Variants in SLC25A51 observed in about 807,000 individuals in gnomAD.
SLC25A51 encodes solute carrier family 25 member 51, also known as mitochondrial nicotinamide adenine dinucleotide transporter SLC25A51.
Under a neutral mutation model 19.1 loss-of-function variants are expected in SLC25A51, and 11 were observed. The observed-to-expected ratio is 0.58, with a 90% CI of 0.36 to 0.96. The LOEUF (loss-of-function observed/expected upper bound fraction) is 0.96, where lower values mean the gene tolerates loss of function less well. Ranked by LOEUF, SLC25A51 falls within the 40% of genes least tolerant of loss-of-function variation. The pLI is 0.01. For missense variants in SLC25A51, 201 were observed against 365.4 expected, an observed-to-expected ratio of 0.55 and a Z score of 3.67; for synonymous variants, 105 against 133.6, an observed-to-expected ratio of 0.79 and a Z score of 1.47.
At chr9:37,890,072 T>G (rs1024894601) in intron 2 of SLC25A51, among the ~76,000 whole-genome samples, 1 of 152,080 alleles carries the variant, frequency 6.6e-6, no homozygotes, top group South Asian at 2.1e-4. Flanking sequence ...TATTTTTTAA[T>G]TGGATTTTAA....
downstream of SLC25A51, chr9:37,885,864 C>T (rs1414152708): frequency 1.9e-6 from 3 of 1,596,736 alleles, no homozygotes; most frequent in East Asian, 6.7e-5. Flanking sequence ...CATAGTGTTC[C>T]TGATGACGTG....
At chr9:37,892,882 A>C (rs1831625748) in intron 2 of SLC25A51, among the ~76,000 whole-genome samples, 1 of 151,856 alleles carries the variant, frequency 6.6e-6, no homozygotes. Flanking sequence ...TGGGATTACA[A>C]GTGCGCACCA....
rs189523245 is a variant in SLC25A51 at position 37,892,798 on chromosome 9, A to G, written c.-42-4206T>C. 3.6e-3 allele frequency among the ~76,000 whole-genome samples: 542 copies of G among 150,410 alleles called. 7 individuals are homozygous for G. Among genetic ancestry groups the G allele is most frequent in the African/African-American group, 0.012 (507 of 40,854 alleles). Reference sequence around the variant, plus strand: ...TCTGTTGCCCAGGCTGCAGTGTAGTAGCACGATCTCAGCTCACTGCAACCT... The same window carrying G: ...TCTGTTGCCCAGGCTGCAGTGTAGTGGCACGATCTCAGCTCACTGCAACCT... On this transcript the variant is annotated intron_variant, in intron 2 of 2. Coordinates refer to ENST00000242275, the MANE Select transcript of SLC25A51 (RefSeq NM_033412.4).
At chr9:37,884,044 A>G (rs1319084984), downstream of SLC25A51, among the ~76,000 whole-genome samples, 2 of 152,190 alleles carry the variant, frequency 1.3e-5, no homozygotes, top group African/African-American at 4.8e-5. Flanking sequence ...TGAGGCCTTT[A>G]TTTTGGTCAG....
intron 2 of SLC25A51, among the ~76,000 whole-genome samples, chr9:37,897,629 GATT>G (rs1587169676): frequency 1.3e-5 from 2 of 150,708 alleles, no homozygotes; most frequent in East Asian, 1.9e-4. Flanking sequence ...TATAATAAAG[GATT>G]ATAATAAATT....
downstream of SLC25A51, among the ~76,000 whole-genome samples, chr9:37,882,841 GC>G (rs1165920148): frequency 6.6e-6 from 1 of 151,998 alleles, no homozygotes; most frequent in Non-Finnish European, 1.5e-5. Context: ...AATCACATTT[GC>G]CTTTTCAATT....
intron 3 of SLC25A51, among the ~76,000 whole-genome samples, chr9:37,881,201 TAA>T (rs11402300): frequency 2.3e-5 from 3 of 128,590 alleles, no homozygotes; most frequent in Admixed American, 7.9e-5. Context: ...AAAGTAGATA[TAA>T]AAAAAAAAAA....
At chr9:37,889,376 A>T (rs1056714204) in intron 2 of SLC25A51, among the ~76,000 whole-genome samples, 2 of 152,154 alleles carry the variant, frequency 1.3e-5, no homozygotes, top group Admixed American at 6.5e-5. Flanking sequence ...AAGGTGAACA[A>T]TTACACCAAT....
intron 2 of SLC25A51, among the ~76,000 whole-genome samples, chr9:37,894,956 CT>C (rs1831682572): frequency 1.3e-5 from 2 of 152,180 alleles, no homozygotes; most frequent in South Asian, 2.1e-4. Context: ...CAATCTTGCT[CT>C]TTTTATGCCT....
In SLC25A51 at chr9:37,901,814, T is replaced by C. The variant is rs16934582; in HGVS notation, c.-164-1864A>G. Among the ~76,000 whole-genome samples, 1,105 of 152,314 alleles carry C rather than the reference T, an allele frequency of 7.3e-3. 11 individuals are homozygous for C. The highest frequency in any genetic ancestry group is 0.025 in the African/African-American group (1,050 of 41,566). On this transcript the variant is annotated intron_variant, in intron 1 of 2. Transcript: ENST00000242275. ...CTGTTAGGGTATTGAGTTTGATAAT[T>C]ATTAGTTCTACTACATCCTTACTTT...
At chr9:37,901,663 A>G (rs1481152847) in intron 1 of SLC25A51, among the ~76,000 whole-genome samples, 3 of 152,204 alleles carry the variant, frequency 2.0e-5, no homozygotes, top group Non-Finnish European at 4.4e-5. Context: ...CACAGTAAAA[A>G]TAAGATTAAA....
Position 37,888,355 on chromosome 9 carries a change from G to A in SLC25A51, c.196C>T (p.Arg66Trp), listed in dbSNP as rs553138528. 5 of 1,614,224 alleles carry A rather than the reference G, an allele frequency of 3.1e-6. No homozygotes were observed. Among genetic ancestry groups the A allele is most frequent in the East Asian group, 2.2e-5 (1 of 44,892 alleles). ...CTTCTCAACTGAAGTATTGCATCCC[G>A]GGTTTTGATGCCATACAGCTGTTGT... ...FRQQLYGIKTRDAILQLRRDG... is the reference protein window; with the variant it reads ...FRQQLYGIKTWDAILQLRRDG... The change falls in exon 3 of 3, where the codon CGG (arginine) becomes TGG (tryptophan). Residue 66 changes from arginine to tryptophan, a missense_variant. Arg to Trp is a moderately radical substitution (Grantham distance 101, BLOSUM62 -3). Coordinates refer to ENST00000242275, the MANE Select transcript of SLC25A51 (RefSeq NM_033412.4).
downstream of SLC25A51, chr9:37,879,098 A>G: frequency 2.8e-6 from 1 of 356,084 alleles, no homozygotes; most frequent in Non-Finnish European, 5.7e-6. Flanking sequence ...GGCCTGTGGA[A>G]ATTTTGGCAT....
downstream of SLC25A51, among the ~76,000 whole-genome samples, chr9:37,884,801 T>C (rs1041973305): frequency 6.6e-6 from 1 of 152,166 alleles, no homozygotes; most frequent in Non-Finnish European, 1.5e-5. Flanking sequence ...TATAACAAGA[T>C]TCAAGTCCCT....
chr9:37,885,994 T>C (rs557535368), downstream of SLC25A51: 13 of 1,613,858 alleles, frequency 8.1e-6, no homozygotes, highest in Middle Eastern at 3.3e-4. Context: ...TCTTTGCCAA[T>C]TGGTCTAATG....
chr9:37,882,720 G>A (rs1163280103), downstream of SLC25A51, among the ~76,000 whole-genome samples: 1 of 152,160 alleles, frequency 6.6e-6, no homozygotes, highest in Non-Finnish European at 1.5e-5. Flanking sequence ...AACATTTCTG[G>A]TGGCATCACA....
intron 2 of SLC25A51, among the ~76,000 whole-genome samples, chr9:37,895,365 CT>C (rs1039284688): frequency 0.015 from 2,057 of 138,154 alleles, 20 homozygotes; most frequent in East Asian, 0.076. Context: ...CCACATTCGG[CT>C]TTTTTTTTTT....
At chr9:37,890,146 AG>A (rs1363479601) in intron 2 of SLC25A51, among the ~76,000 whole-genome samples, 2 of 152,130 alleles carry the variant, frequency 1.3e-5, no homozygotes, top group Non-Finnish European at 2.9e-5. Flanking sequence ...GCACTTTGGG[AG>A]GCTGGGGCAG....
intron 2 of SLC25A51, among the ~76,000 whole-genome samples, chr9:37,896,788 C>T (rs568457558): frequency 6.6e-6 from 1 of 152,158 alleles, no homozygotes; most frequent in Non-Finnish European, 1.5e-5. Context: ...AAGTGCGAAG[C>T]TCTGTCTCAA....
Sources: gnomAD v4.1 joint callset for allele counts (sites outside exome capture counted in the v4.1 genomes callset) on GRCh38, gnomAD v4.1.1 for gene constraint, MANE v1.5 for transcripts, NCBI Gene and HGNC (gene_info 2026-07-23, HGNC 2026-07-21) for gene names.